Variants in ELAVL4 observed in about 807,000 individuals in gnomAD.
The protein encoded by ELAVL4 is ELAV-like protein 4.
A neutral mutation model predicts 35.6 loss-of-function variants in ELAVL4; 1 was observed. The observed-to-expected ratio is 0.03, with a 90% CI of 0.01 to 0.13. The LOEUF (loss-of-function observed/expected upper bound fraction) is 0.13. ELAVL4 is among the 10% of genes least tolerant of loss of function. The pLI is 1.00. For synonymous variants in ELAVL4, 156 were observed against 171.0 expected (o/e 0.91, Z 0.69); for missense variants, 267 against 464.9 (o/e 0.57, Z 3.91).
intron 1 of ELAVL4, among the ~76,000 whole-genome samples, chr1:50,078,106 T>TTGTGTGTGTGTGTGTGTG (rs56818675): frequency 2.1e-5 from 3 of 145,064 alleles, no homozygotes; most frequent in Admixed American, 6.9e-5. Flanking sequence ...AATATATACC[T>TTGTGTGTGTGTGTGTGTG]TGTGTGTGTG....
intron 2 of ELAVL4, among the ~76,000 whole-genome samples, chr1:50,161,952 G>A (rs1676879394): frequency 6.6e-6 from 1 of 152,316 alleles, no homozygotes; most frequent in East Asian, 1.9e-4. Flanking sequence ...GGGACTGCTA[G>A]AAATGAATGT....
In ELAVL4 at chr1:50,096,540, C is replaced by A. The variant is rs529324968; in HGVS notation, c.18+48358C>A. Among the ~76,000 whole-genome samples, 7 of 151,562 alleles carry A rather than the reference C, an allele frequency of 4.6e-5. No homozygotes were observed. The East Asian group carries it at 1.4e-3, about 29-fold the overall frequency. On this transcript the variant is annotated intron_variant, in intron 1 of 6. Transcript: ENST00000448907. ...ACAAAATTTTAAAGAGCCTTGAATGCCGTACTGAATAATTGGCCTTGAAAA... is the reference window on the plus strand; with the variant it reads ...ACAAAATTTTAAAGAGCCTTGAATGACGTACTGAATAATTGGCCTTGAAAA...
intron 1 of ELAVL4, among the ~76,000 whole-genome samples, chr1:50,074,606 A>T (rs1254843874): frequency 2.0e-5 from 3 of 152,182 alleles, no homozygotes; most frequent in African/African-American, 7.2e-5. Flanking sequence ...ATAAAGTGCA[A>T]TTACTATATG....
intron 5 of ELAVL4, among the ~76,000 whole-genome samples, chr1:50,196,589 G>A (rs1644074642): frequency 6.6e-6 from 1 of 152,174 alleles, no homozygotes. Flanking sequence ...GGAAATAGTA[G>A]GTCCTTCTAT....
chr1:50,064,961 G>A (rs893848218), intron 1 of ELAVL4, among the ~76,000 whole-genome samples: 6 of 152,084 alleles, frequency 3.9e-5, no homozygotes, highest in African/African-American at 1.4e-4. Flanking sequence ...CTTGTGCCTA[G>A]AGACATAGGG....
intron 1 of ELAVL4, among the ~76,000 whole-genome samples, chr1:50,097,077 G>A (rs1318756205): frequency 6.6e-6 from 1 of 152,150 alleles, no homozygotes; most frequent in African/African-American, 2.4e-5. Context: ...AAAATTAGCT[G>A]GGTGTTGGGG....
intron 3 of ELAVL4, 120 bp from the exon 4 acceptor site, chr1:50,193,645 T>C (rs1683010242): frequency 7.7e-7 from 1 of 1,295,310 alleles, no homozygotes; most frequent in Non-Finnish European, 1.1e-6. Flanking sequence ...TACTGAGTGA[T>C]TTAAACTGAC....
At chr1:50,134,315 G>T (rs960994061) in intron 1 of ELAVL4, among the ~76,000 whole-genome samples, 4 of 152,140 alleles carry the variant, frequency 2.6e-5, no homozygotes, top group Non-Finnish European at 5.9e-5. Context: ...TAATTGGAAA[G>T]ATAAGTCTGG....
intron 2 of ELAVL4, among the ~76,000 whole-genome samples, chr1:50,164,456 G>A (rs557497551): frequency 5.0e-4 from 76 of 152,170 alleles, no homozygotes; most frequent in Middle Eastern, 3.4e-3. Context: ...CTCCTTCAGG[G>A]CCCCACATAG....
At chr1:50,199,035 T>A (rs997264662) in intron 6 of ELAVL4, among the ~76,000 whole-genome samples, 3 of 152,052 alleles carry the variant, frequency 2.0e-5, no homozygotes, top group African/African-American at 7.2e-5. Context: ...AAAAAGACAA[T>A]CTTCAGAAAT....
intron 2 of ELAVL4, among the ~76,000 whole-genome samples, chr1:50,152,977 A>C (rs1250157225): frequency 1.3e-5 from 2 of 152,206 alleles, no homozygotes; most frequent in African/African-American, 2.4e-5. Flanking sequence ...ATTCTGTATC[A>C]CAGTCTGTGA....
At chr1:50,158,198 CTG>C (rs1167073204) in intron 2 of ELAVL4, among the ~76,000 whole-genome samples, 1 of 152,180 alleles carries the variant, frequency 6.6e-6, no homozygotes, top group Non-Finnish European at 1.5e-5. Context: ...TACAGGAGTT[CTG>C]TGAGATGTAG....
intron 2 of ELAVL4, among the ~76,000 whole-genome samples, chr1:50,160,008 T>C (rs1676504472): frequency 6.6e-6 from 1 of 152,196 alleles, no homozygotes; most frequent in African/African-American, 2.4e-5. Context: ...CTAGGCATTT[T>C]TTTGAAAATT....
intron 2 of ELAVL4, chr1:50,175,579 C>G (rs1679878902): frequency 6.6e-6 from 1 of 152,208 alleles, no homozygotes; most frequent in Non-Finnish European, 1.5e-5. Flanking sequence ...TCTTCTCACC[C>G]TGTTCTTCCA....
Position 50,069,473 on chromosome 1 carries a change from T to A in ELAVL4, c.18+21291T>A, listed in dbSNP as rs1049390714. ...ACTAGACATGGGTGCCTGTGATCTA[T>A]TTGTTTGATTTAGAATCATTCATGG... On this transcript the variant is annotated intron_variant, in intron 1 of 6. Coordinates refer to the ELAVL4 transcript ENST00000448907. Among the ~76,000 whole-genome samples, 6 of 152,190 alleles carry A rather than the reference T, an allele frequency of 3.9e-5. No homozygotes were observed. The East Asian group carries it at 9.6e-4, about 24-fold the overall frequency.
chr1:50,162,580 G>T (rs1014427270), intron 2 of ELAVL4, among the ~76,000 whole-genome samples: 6 of 152,122 alleles, frequency 3.9e-5, no homozygotes, highest in African/African-American at 1.2e-4. Flanking sequence ...TGGGTTTGTT[G>T]TTGTTGCGTT....
At chr1:50,131,499 A>G (rs922849465) in intron 1 of ELAVL4, among the ~76,000 whole-genome samples, 12 of 152,060 alleles carry the variant, frequency 7.9e-5, no homozygotes, top group Non-Finnish European at 2.9e-5. Context: ...TTAAAAAAAT[A>G]GAACAATGGG....
chr1:50,055,248 A>G (rs1232795649), intron 1 of ELAVL4, among the ~76,000 whole-genome samples: 2 of 152,086 alleles, frequency 1.3e-5, no homozygotes, highest in South Asian at 2.1e-4. Context: ...TGGTTTTGTG[A>G]CTTCAAAGCA....
chr1:50,078,433 T>C (rs962354866), intron 1 of ELAVL4, among the ~76,000 whole-genome samples: 1 of 152,042 alleles, frequency 6.6e-6, no homozygotes, highest in African/African-American at 2.4e-5. Context: ...TCTGCCAAAC[T>C]GTAATGAGTG....
Sources: gnomAD v4.1 joint callset for allele counts (sites outside exome capture counted in the v4.1 genomes callset) on GRCh38, gnomAD v4.1.1 for gene constraint, MANE v1.5 for transcripts, NCBI Gene and HGNC (gene_info 2026-07-23, HGNC 2026-07-21) for gene names.